PPFIA4: variants seen among roughly 807,000 people sequenced by gnomAD.
PPFIA4 encodes the protein liprin-alpha-4.
PPFIA4 carries 98 observed loss-of-function variants against 145.7 expected under a neutral mutation model. The ratio of observed to expected loss-of-function variants is 0.67; its 90% confidence interval spans 0.57 to 0.80. PPFIA4 has a LOEUF of 0.80. Ranked by LOEUF, PPFIA4 falls within the 30% of genes least tolerant of loss-of-function variation. The pLI is 0.00. For synonymous variants in PPFIA4, 628 were observed against 649.6 expected, an observed-to-expected ratio of 0.97 and a Z score of 0.51; for missense variants, 1,457 against 1,632.7, an observed-to-expected ratio of 0.89 and a Z score of 1.85.
At chr1:203,066,399 G>A (rs1054463826) in intron 25 of PPFIA4, among the ~76,000 whole-genome samples, 9 of 152,210 alleles carry the variant, frequency 5.9e-5, no homozygotes, top group African/African-American at 2.2e-4. Context: ...ACAAAGCAGT[G>A]CCCTCAATAA....
chr1:203,056,376 C>T lies in PPFIA4; in HGVS notation c.2108C>T (p.Ser703Leu), dbSNP rs766716828. Residue 703 changes from serine (S) to leucine (L), a missense_variant and splice_region_variant, in exon 18 of 30, where the codon TCG becomes TTG. Transcript: ENST00000295706. ...CTGACGGCTCCACTGTCTGTTCAGT[C>T]GCCAGTGTCTCGGGAAGAGAACCGA... ...DLRKHRRKLL[S>L]PVSREENRED... The T allele has an allele frequency of 2.2e-5, 36 of 1,613,484 alleles. No individual in the cohort carries two copies. Among genetic ancestry groups the T allele is most frequent in the Non-Finnish European group, 2.8e-5 (33 of 1,179,648 alleles).
At chr1:203,034,565 A>T (rs530707350) in intron 1 of PPFIA4, 5 of 455,924 alleles carry the variant, frequency 1.1e-5, no homozygotes, top group African/African-American at 2.0e-5. Context: ...AGTGGGGGGA[A>T]CTCAGGGAAG....
rs1212124238 is a variant in PPFIA4, at chr1:203,078,026, C to A, written c.*1636C>A. The stretch of plus-strand genomic sequence containing the variant: ...GCACCCAGTCCAGAAGGAGCAATGG[C>A]ACCTGGGCAGTGCCAGGGCTTAAAG... On this transcript the variant is annotated 3_prime_UTR_variant, in exon 30 of 30. Coordinates refer to ENST00000295706, the MANE Select transcript of PPFIA4 (RefSeq NM_001304331.2). 1 of 152,284 alleles carries A rather than the reference C, an allele frequency of 6.6e-6. No individual in the cohort carries two copies. The highest frequency in any genetic ancestry group is 6.5e-5 in the Admixed American group (1 of 15,292). The allele number at this position is 152,284 out of a possible 1,614,324, so 9.4% of individuals were successfully genotyped here. A position where few individuals can be genotyped will look rare whatever the true frequency, so the allele number is the denominator to read the frequency against.
intron 19 of PPFIA4, among the ~76,000 whole-genome samples, chr1:203,058,422 G>A (rs1478171787): frequency 1.3e-5 from 2 of 152,166 alleles, no homozygotes; most frequent in Non-Finnish European, 2.9e-5. Context: ...GGGGAGTTGT[G>A]GAGCTGGCCA....
Position 203,044,434 on chromosome 1 carries a change from T to A in PPFIA4, c.557T>A (p.Leu186Gln). Residue 186 changes from leucine (L) to glutamine (Q), a missense_variant, in exon 5 of 30, where the codon CTG (leucine) becomes CAG (glutamine). Leu to Gln is a moderately radical substitution (Grantham distance 113, BLOSUM62 -2). This residue lies in a region of PPFIA4 where 463 missense variants were observed against 459.8 expected (regional missense o/e 1.01). Transcript: ENST00000295706. ...CGAGTCACCACCTTGGAGGAGCAGC[T>A]GGCAGGTGCCCACCAGCAGGTAATC... ...LERVTTLEEQ[L>Q]AGAHQQVSAL... 1 of 1,551,310 alleles carries A rather than the reference T, an allele frequency of 6.4e-7. No individual in the cohort carries two copies. Among genetic ancestry groups the A allele is most frequent in the Non-Finnish European group, 8.7e-7 (1 of 1,147,456 alleles).
At chr1:203,056,529 C>A (rs1228044829) in intron 18 of PPFIA4, 21 bp downstream of exon 18, 2 of 1,608,772 alleles carry the variant, frequency 1.2e-6, no homozygotes, top group African/African-American at 2.7e-5. Flanking sequence ...CAGACCCCAC[C>A]TCCAGTCTCT....
At chr1:203,062,676 C>T (rs968879184) in intron 24 of PPFIA4, among the ~76,000 whole-genome samples, 4 of 151,598 alleles carry the variant, frequency 2.6e-5, no homozygotes, top group East Asian at 3.9e-4. Flanking sequence ...GGTGATGGGT[C>T]GGGGGGGATC....
chr1:203,064,851 A>G (rs1447740499), intron 25 of PPFIA4, among the ~76,000 whole-genome samples: 1 of 152,206 alleles, frequency 6.6e-6, no homozygotes, highest in African/African-American at 2.4e-5. Context: ...TGTTCCCAGC[A>G]GGCATTTGTG....
In PPFIA4 at chr1:203,048,525, C is replaced by G. The variant is rs1660247957; in HGVS notation, c.1225-58C>G. ...GACAGGGGAGGGAGTCAAACCCCAG[C>G]AGGAGAGGGTGGTCCTCCCTGGGAG... On this transcript the variant is annotated intron_variant, in intron 10 of 29. Coordinates refer to ENST00000295706, the MANE Select transcript of PPFIA4 (RefSeq NM_001304331.2). The surrounding 1 kb of genome is among the most constrained non-coding windows in gnomAD (Gnocchi z 5.8). 7.1e-6 allele frequency: 11 copies of G among 1,551,162 alleles called. 1 individual carries two copies. The African/African-American group carries it at 8.2e-5, about 12-fold the overall frequency.
intron 19 of PPFIA4, among the ~76,000 whole-genome samples, chr1:203,058,297 G>C (rs901126779): frequency 7.2e-5 from 11 of 152,144 alleles, no homozygotes; most frequent in Non-Finnish European, 4.4e-5. Context: ...TGTGTGTGAA[G>C]GAAAGGGGTG....
chr1:203,027,549 C>T (rs1027007952), intron 1 of PPFIA4, among the ~76,000 whole-genome samples: 20 of 152,200 alleles, frequency 1.3e-4, no homozygotes, highest in African/African-American at 4.8e-4. Context: ...GTTAAGGAGG[C>T]GCTGCTTCGC....
In PPFIA4 at chr1:203,055,459, G is replaced by A. The variant is rs761738327; in HGVS notation, c.1857G>A (p.Thr619=). Reference sequence around the variant, plus strand: ...TGATTCAGGAAGAGAAGGAGTCCACGGAGCTCCGCGCGGAGGAGATTGAGA... The same window carrying A: ...TGATTCAGGAAGAGAAGGAGTCCACAGAGCTCCGCGCGGAGGAGATTGAGA... ...IRMIQEEKES[T]ELRAEEIETR... Residue 619 remains threonine (T), a synonymous_variant, in exon 16 of 30, where the codon ACG becomes ACA. Transcript: ENST00000295706. The surrounding 1 kb of genome is among the most constrained non-coding windows in gnomAD (Gnocchi z 4.8). 6.2e-6 allele frequency: 10 copies of A among 1,613,996 alleles called. No homozygotes were observed. Among genetic ancestry groups the A allele is most frequent in the South Asian group, 1.1e-5 (1 of 91,082 alleles).
chr1:203,028,288 G>A lies in PPFIA4; in HGVS notation c.-400+1659G>A, dbSNP rs190386712. Among the ~76,000 whole-genome samples the A allele has an allele frequency of 8.7e-4, 132 of 152,318 alleles. 1 individual carries two copies. Among genetic ancestry groups the A allele is most frequent in the African/African-American group, 2.7e-3 (114 of 41,558 alleles). ...TGCTGGGCTGTAAAGGAGGGCTGGA[G>A]GGGCAGGGCATGGCAGGCAGCCAGG... On this transcript the variant is annotated intron_variant, in intron 1 of 29. Coordinates refer to ENST00000295706, the MANE Select transcript of PPFIA4 (RefSeq NM_001304331.2).
intron 1 of PPFIA4, chr1:203,034,559 G>C (rs1416913154): frequency 4.4e-6 from 2 of 456,404 alleles, no homozygotes; most frequent in Middle Eastern, 3.2e-4. Flanking sequence ...GGGGGCAGTG[G>C]GGGGAACTCA....
chr1:203,065,298 A>G (rs973800563), intron 25 of PPFIA4, among the ~76,000 whole-genome samples: 1 of 152,148 alleles, frequency 6.6e-6, no homozygotes, highest in Admixed American at 6.5e-5. Flanking sequence ...GGAAGACCGC[A>G]TCCTCCCCTC....
At chr1:203,058,606 C>T (rs1005685083) in intron 19 of PPFIA4, among the ~76,000 whole-genome samples, 1 of 152,168 alleles carries the variant, frequency 6.6e-6, no homozygotes, top group Admixed American at 6.5e-5. Flanking sequence ...GTGACCGGGA[C>T]TTAAAAGAAT....
chr1:203,054,738 G>A lies in PPFIA4; in HGVS notation c.1830-694G>A, dbSNP rs539928837. On this transcript the variant is annotated intron_variant, in intron 15 of 29. Transcript: ENST00000295706. ...GAGAGAGAGAGAGAAAGGTACAAAC[G>A]TAGGACCACCAGCTTTTTATTTTGC... 8.6e-5 allele frequency among the ~76,000 whole-genome samples: 13 copies of A among 151,490 alleles called. No homozygotes were observed. In the East Asian group the frequency reaches 1.6e-3, roughly 18 times the overall value.
At chr1:203,070,328 C>T (rs1333145777) in intron 27 of PPFIA4, among the ~76,000 whole-genome samples, 2 of 152,034 alleles carry the variant, frequency 1.3e-5, no homozygotes, top group Admixed American at 6.5e-5. Flanking sequence ...GGCCTGTATG[C>T]TCAGCATTTT....
intron 9 of PPFIA4, among the ~76,000 whole-genome samples, chr1:203,047,830 G>T (rs1434282352): frequency 6.6e-6 from 1 of 152,218 alleles, no homozygotes; most frequent in Non-Finnish European, 1.5e-5. Context: ...AGGGAGCCAG[G>T]ATTTGAACCC....
Sources: gnomAD v4.1 joint callset for allele counts (sites outside exome capture counted in the v4.1 genomes callset) on GRCh38, gnomAD v4.1.1 for gene constraint, gnomAD v4.1.1 regional missense constraint, Gnocchi (gnomAD v3.1) non-coding constraint, MANE v1.5 for transcripts, NCBI Gene and HGNC (gene_info 2026-07-23, HGNC 2026-07-21) for gene names.